The following COL25A1 variants were observed in gnomAD, a reference collection of about 807,000 sequenced individuals.
COL25A1 encodes the protein collagen type XXV alpha 1 chain.
Under a neutral mutation model 128.4 loss-of-function variants are expected in COL25A1, and 103 were observed. The observed-to-expected ratio is 0.80, with a 90% confidence interval of 0.68 to 0.94. COL25A1 has a LOEUF of 0.94. COL25A1 is among the 40% of genes least tolerant of loss of function. The pLI is 0.00. For missense variants in COL25A1, 745 were observed against 840.0 expected (o/e 0.89, Z 1.40); for synonymous variants, 279 against 277.2 (o/e 1.01, Z -0.06).
At chr4:109,013,758 C>T (rs147397375) in intron 5 of COL25A1, among the ~76,000 whole-genome samples, 139 of 152,242 alleles carry the variant, frequency 9.1e-4, no homozygotes, top group African/African-American at 3.1e-3. Flanking sequence ...CGAACCCAAC[C>T]GAAGGAAGAA....
At chr4:108,874,876 G>T (rs554386206) in intron 19 of COL25A1, among the ~76,000 whole-genome samples, 2 of 151,844 alleles carry the variant, frequency 1.3e-5, no homozygotes, top group African/African-American at 4.8e-5. Flanking sequence ...ACTTTAATCC[G>T]TTTTTTTTCC....
rs571610756 is a variant in COL25A1 at position 109,068,856 on chromosome 4, C to T, written c.368-18677G>A. ...AGAGAAAAGATGCACAGAGCCTTTA[C>T]AATGGAGCTTACATACAAACAGAGG... On this transcript the variant is annotated intron_variant, in intron 3 of 37. Transcript: ENST00000399132. Among the ~76,000 whole-genome samples, 80 of 152,114 alleles carry T rather than the reference C, an allele frequency of 5.3e-4. 1 individual carries two copies. The South Asian group carries it at 0.013, about 24-fold the overall frequency.
intron 3 of COL25A1, among the ~76,000 whole-genome samples, chr4:109,100,813 T>G (rs1295928789): frequency 6.6e-6 from 1 of 152,182 alleles, no homozygotes; most frequent in Non-Finnish European, 1.5e-5. Context: ...GAAGGAGATA[T>G]GCTATACACT....
At chr4:108,834,929 A>G (rs966925223) in intron 31 of COL25A1, among the ~76,000 whole-genome samples, 11 of 152,204 alleles carry the variant, frequency 7.2e-5, no homozygotes, top group Admixed American at 3.3e-4. Flanking sequence ...TGGATTTTAC[A>G]TGAACAATAA....
In COL25A1 at chr4:109,295,502, A is replaced by T. The variant is rs142706572; in HGVS notation, c.367+5081T>A. Among the ~76,000 whole-genome samples the T allele has an allele frequency of 2.9e-3, 439 of 152,178 alleles. 4 individuals carry two copies. The highest frequency in any genetic ancestry group is 0.011 in the East Asian group (58 of 5,182). On this transcript the variant is annotated intron_variant, in intron 3 of 37. Coordinates refer to ENST00000399132, the MANE Select transcript of COL25A1 (RefSeq NM_198721.4). ...TGCAAACTGTTTCTGACTATGCTTTACCTTACATAATTGAAAATCTACACA... is the reference window on the plus strand; with the variant it reads ...TGCAAACTGTTTCTGACTATGCTTTTCCTTACATAATTGAAAATCTACACA...
chr4:108,910,074 C>T (rs1163025497), intron 13 of COL25A1, among the ~76,000 whole-genome samples: 1 of 152,138 alleles, frequency 6.6e-6, no homozygotes, highest in Non-Finnish European at 1.5e-5. Context: ...TTTATTTTTT[C>T]ACCTGGTTCC....
chr4:109,225,074 T>C (rs928366278), intron 3 of COL25A1, among the ~76,000 whole-genome samples: 10 of 152,206 alleles, frequency 6.6e-5, no homozygotes, highest in Non-Finnish European at 1.2e-4. Context: ...CTGATTATGA[T>C]AGAGGTGGGC....
At chr4:109,250,369 T>TACACACACACACACACACACACAAACAC (rs1780564522) in intron 3 of COL25A1, among the ~76,000 whole-genome samples, 1 of 134,866 alleles carries the variant, frequency 7.4e-6, no homozygotes, top group Admixed American at 7.5e-5. Context: ...AAGTAGGAGA[T>TACACACACACACACACACACACAAACAC]ACACACACAC....
intron 3 of COL25A1, among the ~76,000 whole-genome samples, chr4:109,102,144 C>T (rs982828144): frequency 2.0e-5 from 3 of 152,036 alleles, no homozygotes; most frequent in Admixed American, 6.5e-5. Context: ...CACAAAAACT[C>T]AAACATGTTT....
intron 10 of COL25A1, among the ~76,000 whole-genome samples, chr4:108,940,020 T>C (rs2125926705): frequency 6.6e-6 from 1 of 152,256 alleles, no homozygotes; most frequent in Admixed American, 6.5e-5. Context: ...ATTTTGGGGG[T>C]TCACGTTATT....
At chr4:109,135,935 C>T (rs547439997) in intron 3 of COL25A1, among the ~76,000 whole-genome samples, 1 of 152,272 alleles carries the variant, frequency 6.6e-6, no homozygotes, top group East Asian at 1.9e-4. Flanking sequence ...GAGTCTGAGA[C>T]ACAGTTAATG....
At chr4:109,028,448 C>G (rs897166161) in intron 5 of COL25A1, among the ~76,000 whole-genome samples, 1 of 152,130 alleles carries the variant, frequency 6.6e-6, no homozygotes, top group Non-Finnish European at 1.5e-5. Flanking sequence ...AAAAAGGGGC[C>G]AGGCCCAGTG....
chr4:108,811,032 G>C lies in COL25A1; in HGVS notation c.*2895C>G, dbSNP rs1336166564. 1 of 152,000 alleles carries C rather than the reference G, an allele frequency of 6.6e-6. No homozygotes were observed. Among genetic ancestry groups the C allele is most frequent in the East Asian group, 1.9e-4 (1 of 5,192 alleles). 9.4% of individuals were successfully genotyped at this position (152,000 alleles called of 1,614,324 possible). On this transcript the variant is annotated 3_prime_UTR_variant, in exon 38 of 38. Transcript: ENST00000399132. ...AAACTGACCTTGCCTTATTTCCAAT[G>C]TGTCTTTCATGTATATTTTCTCAAC...
At chr4:108,931,970 G>A (rs1169190077) in intron 11 of COL25A1, among the ~76,000 whole-genome samples, 1 of 152,190 alleles carries the variant, frequency 6.6e-6, no homozygotes, top group Non-Finnish European at 1.5e-5. Context: ...TGAAGGACAT[G>A]CAGTTTTACC....
intron 3 of COL25A1, among the ~76,000 whole-genome samples, chr4:109,291,916 A>G (rs1420834448): frequency 6.6e-6 from 1 of 152,116 alleles, no homozygotes; most frequent in African/African-American, 2.4e-5. Context: ...GAATACTCTG[A>G]CCCATTAAAG....
intron 8 of COL25A1, among the ~76,000 whole-genome samples, chr4:108,946,475 T>C (rs1421772212): frequency 6.6e-6 from 1 of 152,248 alleles, no homozygotes; most frequent in Admixed American, 6.5e-5. Flanking sequence ...AATTTTCTTC[T>C]ACCTGCTTTA....
intron 3 of COL25A1, among the ~76,000 whole-genome samples, chr4:109,097,554 A>G (rs946852445): frequency 1.3e-5 from 2 of 151,794 alleles, no homozygotes; most frequent in Non-Finnish European, 2.9e-5. Context: ...CAAAGGTTGC[A>G]GTGAGCCCAG....
chr4:109,040,497 G>A lies in COL25A1; in HGVS notation c.420+7671C>T, dbSNP rs144976273. On this transcript the variant is annotated intron_variant, in intron 5 of 37. Transcript: ENST00000399132. ...TGTTCAAAATACTAACATTCAAAAT[G>A]TGTCTAAGCTGCTTTGTAACAGCAC... 2.7e-4 allele frequency among the ~76,000 whole-genome samples: 41 copies of A among 152,268 alleles called. 1 individual carries two copies. The East Asian group carries it at 7.3e-3, about 27-fold the overall frequency.
intron 8 of COL25A1, among the ~76,000 whole-genome samples, chr4:108,972,558 C>T (rs1207188013): frequency 6.6e-6 from 1 of 152,168 alleles, no homozygotes; most frequent in Admixed American, 6.6e-5. Context: ...GGTTCTCATT[C>T]TCTTTCACCT....
Sources: gnomAD v4.1 joint callset for allele counts (sites outside exome capture counted in the v4.1 genomes callset) on GRCh38, gnomAD v4.1.1 for gene constraint, MANE v1.5 for transcripts, NCBI Gene and HGNC (gene_info 2026-07-23, HGNC 2026-07-21) for gene names.